The following EYS variants were observed in gnomAD, a reference collection of about 807,000 sequenced individuals.
The protein encoded by EYS is protein eyes shut homolog.
Under a neutral mutation model 282.1 loss-of-function variants are expected in EYS, and 250 were observed. The ratio of observed to expected loss-of-function variants is 0.89; its 90% CI spans 0.80 to 0.98. The LOEUF (loss-of-function observed/expected upper bound fraction) is 0.98, where lower values mean the gene tolerates loss of function less well. EYS is among the 50% of genes least tolerant of loss of function. EYS has a pLI of 0.00. For missense variants in EYS, 4,016 were observed against 3,709.0 expected, an observed-to-expected ratio of 1.08 and a Z score of -2.15; for synonymous variants, 1,355 against 1,282.9, an observed-to-expected ratio of 1.06 and a Z score of -1.20.
At chr6:64,422,099 T>C (rs892340025) in intron 28 of EYS, among the ~76,000 whole-genome samples, 2 of 152,120 alleles carry the variant, frequency 1.3e-5, no homozygotes, top group African/African-American at 2.4e-5. Flanking sequence ...GTATCAATAG[T>C]GCTGAGCTAG....
chr6:65,698,096 A>G (rs1769521810), intron 1 of EYS, among the ~76,000 whole-genome samples: 1 of 152,114 alleles, frequency 6.6e-6, no homozygotes, highest in Non-Finnish European at 1.5e-5. Context: ...CGCTGGGGGA[A>G]GGAATGTATT....
intron 29 of EYS, among the ~76,000 whole-genome samples, chr6:64,337,947 T>C (rs771060447): frequency 4.6e-5 from 7 of 151,916 alleles, no homozygotes; most frequent in Non-Finnish European, 8.8e-5. Context: ...TGATTAAAAC[T>C]ATCAGCAAAA....
chr6:63,989,229 C>A (rs911811368), intron 34 of EYS, among the ~76,000 whole-genome samples: 1 of 151,474 alleles, frequency 6.6e-6, no homozygotes, highest in East Asian at 1.9e-4. Context: ...AGAGTCATTA[C>A]CATTTTTGGT....
intron 1 of EYS, among the ~76,000 whole-genome samples, chr6:65,691,030 C>T (rs549884410): frequency 3.3e-5 from 5 of 150,412 alleles, no homozygotes; most frequent in African/African-American, 1.2e-4. Flanking sequence ...GTGAATAGTG[C>T]TACAATAAAC....
At chr6:63,741,154 G>T (rs1335764101) in intron 41 of EYS, among the ~76,000 whole-genome samples, 1 of 152,026 alleles carries the variant, frequency 6.6e-6, no homozygotes, top group East Asian at 1.9e-4. Flanking sequence ...TTTTCTGAGA[G>T]GAATAATAAC....
At chr6:64,792,898 G>C (rs114704966) in intron 22 of EYS, among the ~76,000 whole-genome samples, 1 of 145,592 alleles carries the variant, frequency 6.9e-6, no homozygotes, top group African/African-American at 2.5e-5. Context: ...ATTAAGGGAA[G>C]AGCTTTAGTA....
Position 64,785,869 on chromosome 6 carries a change from A to G in EYS, c.3443+27509T>C, listed in dbSNP as rs1298402469. 2.6e-5 allele frequency among the ~76,000 whole-genome samples: 4 copies of G among 152,200 alleles called. No individual in the cohort carries two copies. The East Asian group carries it at 7.7e-4, about 29-fold the overall frequency. On this transcript the variant is annotated intron_variant, in intron 22 of 42. Transcript: ENST00000503581. ...TAGGGAAAACTGTCAAGAATAGCAAATCCAGGTTAACCCAGACCCAACTGA... is the reference window on the plus strand; with the variant it reads ...TAGGGAAAACTGTCAAGAATAGCAAGTCCAGGTTAACCCAGACCCAACTGA...
chr6:64,446,637 G>A (rs2150473265), intron 26 of EYS, among the ~76,000 whole-genome samples: 1 of 151,806 alleles, frequency 6.6e-6, no homozygotes, highest in South Asian at 2.1e-4. Flanking sequence ...TTTATAGTTA[G>A]TGTTTCTATA....
rs528892149 is a variant in EYS at position 64,027,812 on chromosome 6, T to A, written c.6726-28629A>T. Among the ~76,000 whole-genome samples the A allele has an allele frequency of 6.6e-5, 10 of 152,316 alleles. No individual in the cohort carries two copies. In the East Asian group the frequency reaches 1.5e-3, roughly 24 times the overall value. On this transcript the variant is annotated intron_variant, in intron 33 of 42. Coordinates refer to ENST00000503581, the MANE Select transcript of EYS (RefSeq NM_001142800.2). The stretch of plus-strand genomic sequence containing the variant: ...CCAAACAGATGATCCAACAACAGGA[T>A]TGAGGGTGCCTGGGGCAAGCGCCAG...
At chr6:64,527,144 C>G (rs1462623492) in intron 26 of EYS, among the ~76,000 whole-genome samples, 1 of 151,668 alleles carries the variant, frequency 6.6e-6, no homozygotes, top group Non-Finnish European at 1.5e-5. Flanking sequence ...ACAACAAGTT[C>G]AAAGCTAAAT....
intron 2 of EYS, among the ~76,000 whole-genome samples, chr6:65,554,593 T>A (rs1160224948): frequency 6.6e-6 from 1 of 152,188 alleles, no homozygotes. Context: ...CAGTAATTAC[T>A]ATACACCACT....
At chr6:64,919,210 C>T (rs540133409) in intron 15 of EYS, among the ~76,000 whole-genome samples, 106 of 152,068 alleles carry the variant, frequency 7.0e-4, no homozygotes, top group Admixed American at 1.2e-3. Context: ...CTCACTCTGT[C>T]GCCCAGGCTG....
At chr6:63,995,330 T>C (rs1767786306) in intron 34 of EYS, among the ~76,000 whole-genome samples, 1 of 151,924 alleles carries the variant, frequency 6.6e-6, no homozygotes, top group Non-Finnish European at 1.5e-5. Context: ...ATCAGGGAAA[T>C]GCAAATCAAA....
chr6:64,359,528 G>A (rs1226218053), intron 29 of EYS, among the ~76,000 whole-genome samples: 2 of 151,628 alleles, frequency 1.3e-5, no homozygotes, highest in Non-Finnish European at 3.0e-5. Flanking sequence ...CACTTCATTA[G>A]TCCTTATCTC....
intron 31 of EYS, among the ~76,000 whole-genome samples, chr6:64,224,443 C>A (rs186341070): frequency 1.3e-5 from 2 of 152,136 alleles, no homozygotes; most frequent in Admixed American, 1.3e-4. Flanking sequence ...ATTTAGGGTT[C>A]TCTGCCATAT....
intron 5 of EYS, among the ~76,000 whole-genome samples, chr6:65,425,630 C>T (rs1458239053): frequency 6.6e-6 from 1 of 152,096 alleles, no homozygotes; most frequent in African/African-American, 2.4e-5. Flanking sequence ...TTGACTTCTT[C>T]TTATGAGGTT....
At chr6:65,269,949 T>C (rs1322615661) in intron 12 of EYS, among the ~76,000 whole-genome samples, 3 of 152,274 alleles carry the variant, frequency 2.0e-5, no homozygotes, top group Non-Finnish European at 4.4e-5. Context: ...CAAATTCATG[T>C]CATTCTCACA....
At chr6:65,371,692 CCT>C (rs1334078636) in intron 8 of EYS, among the ~76,000 whole-genome samples, 148 of 113,186 alleles carry the variant, frequency 1.3e-3, no homozygotes, top group African/African-American at 4.8e-3. Flanking sequence ...CCTTCAAATT[CCT>C]CTCTCTCTCT....
At chr6:63,999,961 A>G (rs962751533) in intron 33 of EYS, among the ~76,000 whole-genome samples, 13 of 152,112 alleles carry the variant, frequency 8.5e-5, no homozygotes, top group African/African-American at 3.1e-4. Context: ...ACTGTTATAA[A>G]GTTTATTTCG....
Sources: gnomAD v4.1 joint callset for allele counts (sites outside exome capture counted in the v4.1 genomes callset) on GRCh38, gnomAD v4.1.1 for gene constraint, MANE v1.5 for transcripts, NCBI Gene and HGNC (gene_info 2026-07-23, HGNC 2026-07-21) for gene names.